Variants in VIT observed in about 807,000 individuals in gnomAD.
The protein encoded by VIT is vitrin.
A neutral mutation model predicts 78.0 loss-of-function variants in VIT; 99 were observed. The observed-to-expected ratio is 1.27, with a 90% CI of 1.08 to 1.50. The LOEUF is 1.50. Ranked by LOEUF, VIT falls within the 40% of genes most tolerant of loss-of-function variation. The probability of loss-of-function intolerance (pLI) is 0.00; values close to 1 mark genes in which losing one functional copy is unlikely to be tolerated. For synonymous variants in VIT, 374 were observed against 334.3 expected, an observed-to-expected ratio of 1.12 and a Z score of -1.29; for missense variants, 1,126 against 875.3, an observed-to-expected ratio of 1.29 and a Z score of -3.61.
rs1388420241 is a variant in VIT, at chr2:36,805,440, C to T, written c.1165C>T (p.Arg389Trp). Residue 389 changes from arginine to tryptophan, a missense_variant and splice_region_variant, in exon 14 of 16, where the codon CGG becomes TGG. By Grantham distance (101) the Arg-to-Trp change is moderately radical (BLOSUM62 -3). Coordinates refer to ENST00000379242, the MANE Select transcript of VIT (RefSeq NM_053276.4). ...TQRGGLSNVG[R>W]AISFVTKNFF... ...CATGAATTTTCTTTTTCTTCCAGGT[C>T]GGGCCATCTCCTTTGTGACCAAGAA... 5 of 1,601,636 alleles carry T rather than the reference C, an allele frequency of 3.1e-6. No individual in the cohort carries two copies. The highest frequency in any genetic ancestry group is 2.2e-5 in the East Asian group (1 of 44,692).
At chr2:36,790,843 A>C (rs540072591) in intron 12 of VIT, among the ~76,000 whole-genome samples, 1 of 152,334 alleles carries the variant, frequency 6.6e-6, no homozygotes, top group South Asian at 2.1e-4. Context: ...TCTAAGTTCA[A>C]ATTATACAAC....
chr2:36,712,612 T>C (rs981021587), intron 1 of VIT, among the ~76,000 whole-genome samples: 2 of 151,416 alleles, frequency 1.3e-5, no homozygotes, highest in Non-Finnish European at 3.0e-5. Context: ...CTGAGGCGGG[T>C]GGATCATGAG....
intron 12 of VIT, among the ~76,000 whole-genome samples, chr2:36,790,302 C>G (rs528503237): frequency 6.2e-4 from 95 of 152,226 alleles, no homozygotes; most frequent in Non-Finnish European, 1.2e-3. Context: ...CCTCCTCTGC[C>G]TGCATCTCTA....
chr2:36,806,633 G>A (rs147133439), intron 14 of VIT, among the ~76,000 whole-genome samples: 1,573 of 152,152 alleles, frequency 0.01, 17 homozygotes, highest in African/African-American at 0.036. Flanking sequence ...TGCAGTCTCC[G>A]CCTCCCAGCT....
intron 2 of VIT, among the ~76,000 whole-genome samples, chr2:36,725,990 G>C (rs1351406062): frequency 6.6e-6 from 1 of 151,314 alleles, no homozygotes; most frequent in Non-Finnish European, 1.5e-5. Context: ...AGAATCGCTT[G>C]AACAGGAGGC....
rs1666895384 is a variant in VIT at position 36,808,458 on chromosome 2, C to T, written c.1390-14C>T. On this transcript the variant is annotated splice_polypyrimidine_tract_variant and intron_variant, in intron 14 of 15. Transcript: ENST00000379242. ...ACCCTGACGTGGCGTGGGTCCCTCC[C>T]CTCTGTCTTCTAGGCCGTGTGCAGA... 1 of 1,589,082 alleles carries T rather than the reference C, an allele frequency of 6.3e-7. No individual in the cohort carries two copies. Among genetic ancestry groups the T allele is most frequent in the Admixed American group, 1.7e-5 (1 of 59,166 alleles).
chr2:36,806,469 C>A (rs189386092), intron 14 of VIT, among the ~76,000 whole-genome samples: 12 of 152,010 alleles, frequency 7.9e-5, no homozygotes, highest in African/African-American at 2.9e-4. Context: ...TCAATGTTGA[C>A]CTCCCCAGGT....
intron 3 of VIT, among the ~76,000 whole-genome samples, chr2:36,734,898 G>A (rs933088085): frequency 1.3e-5 from 2 of 152,108 alleles, no homozygotes; most frequent in Non-Finnish European, 2.9e-5. Flanking sequence ...GGCAGGCTGG[G>A]CACGCCTATA....
chr2:36,771,388 C>CT (rs1259480308), intron 7 of VIT, among the ~76,000 whole-genome samples: 1 of 151,928 alleles, frequency 6.6e-6, no homozygotes, highest in African/African-American at 2.4e-5. Context: ...TAGCCAGATG[C>CT]AGTGGTGTGC....
At chr2:36,769,446 C>T (rs1457980082) in intron 7 of VIT, among the ~76,000 whole-genome samples, 2 of 152,092 alleles carry the variant, frequency 1.3e-5, no homozygotes, top group African/African-American at 4.8e-5. Flanking sequence ...CATCAGTGTT[C>T]CTTCTTCATC....
chr2:36,768,827 C>T (rs1238751652), intron 7 of VIT, among the ~76,000 whole-genome samples: 2 of 152,148 alleles, frequency 1.3e-5, no homozygotes, highest in Non-Finnish European at 2.9e-5. Flanking sequence ...GCATGTAGTA[C>T]ATATATCTCA....
intron 6 of VIT, among the ~76,000 whole-genome samples, chr2:36,765,270 C>T (rs1483119151): frequency 6.6e-6 from 1 of 152,084 alleles, no homozygotes; most frequent in East Asian, 1.9e-4. Flanking sequence ...CGTTCTCACA[C>T]TGCTATAAAG....
chr2:36,731,319 G>T (rs1164835390), intron 3 of VIT, among the ~76,000 whole-genome samples: 1 of 151,910 alleles, frequency 6.6e-6, no homozygotes, highest in Non-Finnish European at 1.5e-5. Flanking sequence ...CTGTCGCCAG[G>T]CTGGAGTGCA....
chr2:36,701,304 T>C (rs1665043455), intron 1 of VIT, among the ~76,000 whole-genome samples: 1 of 152,096 alleles, frequency 6.6e-6, no homozygotes, highest in African/African-American at 2.4e-5. Context: ...GAGGGAACAC[T>C]GAGGAGCCTC....
intron 1 of VIT, among the ~76,000 whole-genome samples, chr2:36,701,230 T>G (rs1665037002): frequency 1.3e-5 from 2 of 152,172 alleles, no homozygotes. Flanking sequence ...CTGTCATTCT[T>G]GGATAATCTC....
At chr2:36,723,460 G>A (rs563551435) in intron 2 of VIT, among the ~76,000 whole-genome samples, 1 of 152,176 alleles carries the variant, frequency 6.6e-6, no homozygotes, top group African/African-American at 2.4e-5. Context: ...TCAAATCCCT[G>A]CCAGGATTAA....
intron 2 of VIT, among the ~76,000 whole-genome samples, chr2:36,724,485 C>T (rs1666715352): frequency 1.3e-5 from 2 of 152,168 alleles, no homozygotes; most frequent in African/African-American, 2.4e-5. Flanking sequence ...TTTTTCTCTT[C>T]CCCAACTTCA....
chr2:36,807,216 A>G (rs1406864817), intron 14 of VIT, among the ~76,000 whole-genome samples: 1 of 152,056 alleles, frequency 6.6e-6, no homozygotes, highest in African/African-American at 2.4e-5. Flanking sequence ...CACATTTCTG[A>G]TGGGTTCCCT....
intron 14 of VIT, among the ~76,000 whole-genome samples, chr2:36,806,585 C>T (rs1341163958): frequency 5.9e-5 from 9 of 152,120 alleles, no homozygotes; most frequent in East Asian, 1.9e-4. Context: ...CTCACTCTGT[C>T]GCCCAGGCTG....
Sources: gnomAD v4.1 joint callset for allele counts (sites outside exome capture counted in the v4.1 genomes callset) on GRCh38, gnomAD v4.1.1 for gene constraint, MANE v1.5 for transcripts, NCBI Gene and HGNC (gene_info 2026-07-23, HGNC 2026-07-21) for gene names.